Variants in FOXO3 observed in about 807,000 individuals in gnomAD.
FOXO3 encodes the protein forkhead box O3.
In FOXO3, 4 loss-of-function variants were observed where a neutral mutation model predicts 41.9. The ratio of observed to expected loss-of-function variants is 0.10; its 90% CI spans 0.05 to 0.22. The LOEUF is 0.22. FOXO3 is among the 10% of genes least tolerant of loss of function. The pLI, the probability that FOXO3 is intolerant of heterozygous loss-of-function variation, is 1.00. For synonymous variants in FOXO3, 318 were observed against 389.3 expected (o/e 0.82, Z 2.16); for missense variants, 534 against 906.8 (o/e 0.59, Z 5.28).
At chr6:108,667,029 A>G (rs954005809) in intron 2 of FOXO3, among the ~76,000 whole-genome samples, 6 of 152,188 alleles carry the variant, frequency 3.9e-5, no homozygotes, top group Non-Finnish European at 7.3e-5. Context: ...AGGGTCTCCT[A>G]TGGTGAGCTC....
At chr6:108,590,148 T>C (rs61617285) in intron 1 of FOXO3, among the ~76,000 whole-genome samples, 143 of 152,212 alleles carry the variant, frequency 9.4e-4, no homozygotes, top group African/African-American at 3.3e-3. Context: ...TTTTTTTTTT[T>C]TTGAGATGGC....
intron 1 of FOXO3, among the ~76,000 whole-genome samples, chr6:108,626,989 G>A (rs1451019123): frequency 6.6e-6 from 1 of 152,208 alleles, no homozygotes; most frequent in Non-Finnish European, 1.5e-5. Context: ...CATACTGATT[G>A]ATGGTGGCTT....
At chr6:108,669,477 G>T (rs2128389601) in intron 2 of FOXO3, among the ~76,000 whole-genome samples, 1 of 152,224 alleles carries the variant, frequency 6.6e-6, no homozygotes, top group African/African-American at 2.4e-5. Context: ...ATATGAATCT[G>T]TTATGAATTA....
At chr6:108,562,227 G>A (rs564972874) in intron 1 of FOXO3, among the ~76,000 whole-genome samples, 161 of 152,158 alleles carry the variant, frequency 1.1e-3, no homozygotes, top group African/African-American at 3.6e-3. Context: ...GAGGTGTGGG[G>A]GTGTTTGGGA....
chr6:108,608,928 G>A (rs145552526), intron 1 of FOXO3, among the ~76,000 whole-genome samples: 150 of 152,332 alleles, frequency 9.8e-4, no homozygotes, highest in African/African-American at 3.5e-3. Flanking sequence ...TGCTTAAGCA[G>A]TTAATGCTCA....
chr6:108,617,756 G>A (rs892004085), intron 1 of FOXO3, among the ~76,000 whole-genome samples: 17 of 152,136 alleles, frequency 1.1e-4, no homozygotes, highest in African/African-American at 3.6e-4. Flanking sequence ...TCCCCATCCC[G>A]TCTCCACTTG....
chr6:108,664,124 A>G lies in FOXO3; in HGVS notation c.1291A>G (p.Asn431Asp). The change falls in exon 2 of 3, where the codon AAC becomes GAC. Residue 431 changes from asparagine to aspartate, a missense_variant. Physicochemically the swap from Asn to Asp is conservative, Grantham distance 23. Transcript: ENST00000406360. ...SGLGSPTSSF[N>D]STVFGPSSLN... ...CCTGGGCTCCCCAACCAGCTCCTTT[A>G]ACAGCACGGTGTTCGGACCTTCATC... is the stretch of plus-strand genomic sequence containing the variant. The G allele has an allele frequency of 6.2e-7, 1 of 1,614,080 alleles. No homozygotes were observed. The highest frequency in any genetic ancestry group is 8.5e-7 in the Non-Finnish European group (1 of 1,180,032).
chr6:108,562,193 G>T (rs180984467), intron 1 of FOXO3, among the ~76,000 whole-genome samples: 20 of 152,260 alleles, frequency 1.3e-4, no homozygotes, highest in Admixed American at 8.5e-4. Flanking sequence ...TGGGGGTCTG[G>T]TGCGGGCGCT....
At chr6:108,664,939 G>C in intron 2 of FOXO3, 50 bp downstream of exon 2, 1 of 1,502,376 alleles carries the variant, frequency 6.7e-7, no homozygotes, top group Non-Finnish European at 9.0e-7. Context: ...GGATGAGGGG[G>C]GATCTCTGGG....
chr6:108,663,833 G>A lies in FOXO3; in HGVS notation c.1000G>A (p.Asp334Asn). Reference sequence around the variant, plus strand: ...GCCCATCATGGCAAGCACAGAGTTGGATGAAGTCCAGGACGATGATGCGCC... The same window carrying A: ...GCCCATCATGGCAAGCACAGAGTTGAATGAAGTCCAGGACGATGATGCGCC... ...LSPIMASTEL[D>N]EVQDDDAPLS... The change falls in exon 2 of 3, where the codon GAT becomes AAT. Residue 334 changes from aspartate (D) to asparagine (N), a missense_variant. Asp to Asn is a conservative substitution (Grantham distance 23). This residue lies in a region of FOXO3 where 185 missense variants were observed against 224.9 expected (regional missense o/e 0.82). Transcript: ENST00000406360. 1 of 1,613,874 alleles carries A rather than the reference G, an allele frequency of 6.2e-7. No individual in the cohort carries two copies. Among genetic ancestry groups the A allele is most frequent in the Non-Finnish European group, 8.5e-7 (1 of 1,179,796 alleles).
intron 1 of FOXO3, among the ~76,000 whole-genome samples, chr6:108,617,446 AAAGAG>A (rs1255440265): frequency 1.3e-5 from 2 of 152,162 alleles, no homozygotes; most frequent in Middle Eastern, 3.2e-3. Context: ...CGCTTGACTT[AAAGAG>A]AAAACTATAT....
At chr6:108,580,171 T>A (rs1393833509) in intron 1 of FOXO3, among the ~76,000 whole-genome samples, 1 of 148,964 alleles carries the variant, frequency 6.7e-6, no homozygotes, top group African/African-American at 2.5e-5. Context: ...TTATGAGTAT[T>A]AGCTCTTCTT....
At chr6:108,581,194 A>G (rs1481480965) in intron 1 of FOXO3, among the ~76,000 whole-genome samples, 6 of 152,198 alleles carry the variant, frequency 3.9e-5, no homozygotes, top group Non-Finnish European at 8.8e-5. Flanking sequence ...TTCACAGTTT[A>G]AATTAGGCCC....
intron 1 of FOXO3, among the ~76,000 whole-genome samples, chr6:108,586,149 TG>T (rs902637013): frequency 6.6e-6 from 1 of 152,152 alleles, no homozygotes; most frequent in African/African-American, 2.4e-5. Flanking sequence ...TATAAAAATA[TG>T]TGCAGTATTA....
At chr6:108,596,382 G>GAAAAAAAAA (rs61683111) in intron 1 of FOXO3, among the ~76,000 whole-genome samples, 9 of 58,280 alleles carry the variant, frequency 1.5e-4, no homozygotes, top group Non-Finnish European at 2.2e-4. Flanking sequence ...TGGCCTAAAT[G>GAAAAAAAAA]AAAAAAAAAA....
chr6:108,663,044 A>AT (rs948757100), intron 1 of FOXO3, among the ~76,000 whole-genome samples: 24 of 152,000 alleles, frequency 1.6e-4, no homozygotes, highest in South Asian at 2.1e-4. Context: ...ATTAGGATGG[A>AT]TTTTTTTTAA....
At chr6:108,645,237 A>G (rs1344985021) in intron 1 of FOXO3, among the ~76,000 whole-genome samples, 1 of 152,194 alleles carries the variant, frequency 6.6e-6, no homozygotes, top group East Asian at 1.9e-4. Context: ...TATGTTGTGG[A>G]TAATCTGTGC....
intron 1 of FOXO3, among the ~76,000 whole-genome samples, chr6:108,657,885 A>G (rs957227438): frequency 3.3e-5 from 5 of 152,230 alleles, no homozygotes; most frequent in Non-Finnish European, 5.9e-5. Context: ...AAGTTAGTAC[A>G]GTTGAGCCTT....
intron 1 of FOXO3, among the ~76,000 whole-genome samples, chr6:108,607,671 T>C (rs1777245026): frequency 6.6e-6 from 1 of 152,174 alleles, no homozygotes; most frequent in African/African-American, 2.4e-5. Flanking sequence ...GTATCCTAAT[T>C]TTTCTGCCAG....
Sources: allele counts gnomAD v4.1 joint callset (sites outside exome capture counted in the v4.1 genomes callset), GRCh38; gene constraint gnomAD v4.1.1; regional missense constraint gnomAD v4.1.1; transcripts MANE v1.5; gene names NCBI Gene and HGNC (gene_info 2026-07-23, HGNC 2026-07-21).